Variants in PARD3 observed in about 807,000 individuals in gnomAD.
PARD3 encodes the protein partitioning defective 3 homolog.
A neutral mutation model predicts 155.4 loss-of-function variants in PARD3; 75 were observed. That is an observed-to-expected ratio of 0.48 (90% CI 0.40 to 0.58). The LOEUF is 0.58. Among genes scored for constraint, PARD3 ranks in the 20% least tolerant of loss-of-function variants. The pLI is 0.00. For missense variants in PARD3, 1,642 were observed against 1,721.7 expected, an observed-to-expected ratio of 0.95 and a Z score of 0.82; for synonymous variants, 576 against 610.5, an observed-to-expected ratio of 0.94 and a Z score of 0.83.
At chr10:34,539,055 G>A (rs1187233404) in intron 2 of PARD3, among the ~76,000 whole-genome samples, 2 of 152,198 alleles carry the variant, frequency 1.3e-5, no homozygotes, top group Non-Finnish European at 2.9e-5. Context: ...TTTACTTGGT[G>A]AATATTCACA....
intron 21 of PARD3, among the ~76,000 whole-genome samples, chr10:34,279,498 T>G (rs886936031): frequency 6.6e-6 from 1 of 152,142 alleles, no homozygotes; most frequent in Non-Finnish European, 1.5e-5. Context: ...TGCTACAGGA[T>G]AGAAAAAATG....
At chr10:34,262,289 C>T (rs920882221) in intron 22 of PARD3, among the ~76,000 whole-genome samples, 6 of 151,700 alleles carry the variant, frequency 4.0e-5, no homozygotes, top group South Asian at 2.1e-4. Context: ...TTTTTAGAGA[C>T]GAGGTCTCAC....
intron 22 of PARD3, among the ~76,000 whole-genome samples, chr10:34,205,458 T>C (rs991081910): frequency 6.6e-6 from 1 of 152,162 alleles, no homozygotes; most frequent in African/African-American, 2.4e-5. Context: ...TTTTAAAAAA[T>C]TATTTTAAGA....
At chr10:34,266,199 A>G (rs574410965) in intron 22 of PARD3, among the ~76,000 whole-genome samples, 15 of 150,878 alleles carry the variant, frequency 9.9e-5, no homozygotes, top group African/African-American at 3.7e-4. Flanking sequence ...ATTTAGTTCA[A>G]TACTGCAGTA....
rs547112181 is a variant in PARD3 at position 34,700,772 on chromosome 10, G to A, written c.121-4353C>T. Among the ~76,000 whole-genome samples the A allele has an allele frequency of 1.4e-3, 209 of 152,252 alleles. 1 individual carries two copies. Among genetic ancestry groups the A allele is most frequent in the African/African-American group, 4.6e-3 (191 of 41,550 alleles). The stretch of plus-strand genomic sequence containing the variant: ...GGGTCACCTGAGGTCAGGAGTTAGA[G>A]ACCAGCCTGGCCGACATGATGAAAC... On this transcript the variant is annotated intron_variant, in intron 1 of 24. Coordinates refer to ENST00000374788, the MANE Select transcript of PARD3 (RefSeq NM_001184785.2).
At chr10:34,242,843 G>A (rs1284944839) in intron 22 of PARD3, among the ~76,000 whole-genome samples, 1 of 152,162 alleles carries the variant, frequency 6.6e-6, no homozygotes, top group Non-Finnish European at 1.5e-5. Flanking sequence ...GCTGAGGAAG[G>A]AGAATCACTT....
chr10:34,734,279 T>TTCCC (rs928958246), intron 1 of PARD3, among the ~76,000 whole-genome samples: 1 of 149,808 alleles, frequency 6.7e-6, no homozygotes, highest in Admixed American at 6.6e-5. Flanking sequence ...ATCTGCCAAA[T>TTCCC]TCCCATCATT....
intron 1 of PARD3, among the ~76,000 whole-genome samples, chr10:34,804,737 CT>C (rs1843157545): frequency 6.6e-6 from 1 of 152,090 alleles, no homozygotes; most frequent in South Asian, 2.1e-4. Context: ...TAACATTGGA[CT>C]TAGAGAAGAA....
intron 3 of PARD3, among the ~76,000 whole-genome samples, chr10:34,507,323 G>A (rs1172643797): frequency 2.6e-5 from 4 of 151,882 alleles, no homozygotes; most frequent in Non-Finnish European, 5.9e-5. Flanking sequence ...TCTGAGTGGG[G>A]TGCAGGGGAC....
At chr10:34,605,179 A>ATT (rs1564404102) in intron 2 of PARD3, among the ~76,000 whole-genome samples, 2 of 114,180 alleles carry the variant, frequency 1.8e-5, no homozygotes, top group Non-Finnish European at 3.4e-5. Flanking sequence ...CCCAAAATGA[A>ATT]ATTTTTTTTT....
chr10:34,646,167 T>C (rs1233407673), intron 2 of PARD3, among the ~76,000 whole-genome samples: 4 of 152,236 alleles, frequency 2.6e-5, no homozygotes, highest in Non-Finnish European at 5.9e-5. Flanking sequence ...ATAAAAACCA[T>C]CAATAACTCC....
At chr10:34,275,477 T>C (rs1955829961) in intron 21 of PARD3, among the ~76,000 whole-genome samples, 1 of 152,214 alleles carries the variant, frequency 6.6e-6, no homozygotes, top group African/African-American at 2.4e-5. Context: ...GAGTAGACTT[T>C]TGAAACTAAG....
intron 5 of PARD3, among the ~76,000 whole-genome samples, chr10:34,407,613 C>T (rs996524971): frequency 2.0e-5 from 3 of 152,126 alleles, no homozygotes; most frequent in African/African-American, 4.8e-5. Flanking sequence ...GACATACTAC[C>T]TTTATTAGGA....
At chr10:34,219,988 A>G (rs929933615) in intron 22 of PARD3, among the ~76,000 whole-genome samples, 2 of 152,210 alleles carry the variant, frequency 1.3e-5, no homozygotes, top group African/African-American at 2.4e-5. Flanking sequence ...CTGTAAGCCT[A>G]CTTAGATAAA....
At chr10:34,326,345 T>C (rs1813366508) in intron 19 of PARD3, among the ~76,000 whole-genome samples, 1 of 152,086 alleles carries the variant, frequency 6.6e-6, no homozygotes, top group Non-Finnish European at 1.5e-5. Context: ...TAAGTATATG[T>C]ATCATTTTAT....
At position 34,159,304 on chromosome 10, in the gene PARD3, C is replaced by G. The variant is rs535502377; in HGVS notation, c.3420-27721G>C. On this transcript the variant is annotated intron_variant, in intron 22 of 24. Coordinates refer to ENST00000374788, the MANE Select transcript of PARD3 (RefSeq NM_001184785.2). ...CTGCTACTCATGGGCTGTTGAGTAG[C>G]AAATGAGTTGGTGTAAGTAGGGAAA... Among the ~76,000 whole-genome samples the G allele has an allele frequency of 7.2e-5, 11 of 152,280 alleles. No individual in the cohort carries two copies. In the South Asian group the frequency reaches 2.3e-3, roughly 32 times the overall value.
intron 2 of PARD3, among the ~76,000 whole-genome samples, chr10:34,625,707 G>C (rs1323846611): frequency 6.6e-6 from 1 of 152,076 alleles, no homozygotes; most frequent in Non-Finnish European, 1.5e-5. Flanking sequence ...GAGGTCGGGA[G>C]TTTGAGACCA....
intron 2 of PARD3, among the ~76,000 whole-genome samples, chr10:34,576,823 C>G (rs934416521): frequency 5.3e-5 from 8 of 152,192 alleles, no homozygotes; most frequent in African/African-American, 1.9e-4. Context: ...ATGAACATGT[C>G]ACTGTATAGC....
intron 5 of PARD3, among the ~76,000 whole-genome samples, chr10:34,442,217 C>G (rs2076500375): frequency 6.6e-6 from 1 of 152,158 alleles, no homozygotes; most frequent in Admixed American, 6.5e-5. Flanking sequence ...CTTCACGCTA[C>G]AGAATTAACA....
Sources: allele counts gnomAD v4.1 joint callset (sites outside exome capture counted in the v4.1 genomes callset), GRCh38; gene constraint gnomAD v4.1.1; transcripts MANE v1.5; gene names NCBI Gene and HGNC (gene_info 2026-07-23, HGNC 2026-07-21).